Variants in FAM53B observed in about 807,000 individuals in gnomAD.
FAM53B encodes protein FAM53B.
In FAM53B, 12 loss-of-function variants were observed where a neutral mutation model predicts 32.7. That is an observed-to-expected ratio of 0.37 (90% CI 0.24 to 0.59). The LOEUF is 0.59. Ranked by LOEUF, FAM53B falls within the 20% of genes least tolerant of loss-of-function variation. The probability of loss-of-function intolerance (pLI) is 0.72; values close to 1 mark genes in which losing one functional copy is unlikely to be tolerated. For missense variants in FAM53B, 477 were observed against 577.7 expected, an observed-to-expected ratio of 0.83 and a Z score of 1.79; for synonymous variants, 234 against 228.7, an observed-to-expected ratio of 1.02 and a Z score of -0.21.
At chr10:124,660,141 C>T (rs963122730) in intron 4 of FAM53B, among the ~76,000 whole-genome samples, 20 of 152,164 alleles carry the variant, frequency 1.3e-4, no homozygotes, top group African/African-American at 3.9e-4. Context: ...TCTTCAGTGG[C>T]GAGAAGCCCA....
chr10:124,741,402 T>C (rs757640121), intron 1 of FAM53B, among the ~76,000 whole-genome samples: 12 of 152,238 alleles, frequency 7.9e-5, no homozygotes, highest in Non-Finnish European at 1.3e-4. Context: ...GAACTCAGTC[T>C]TCAGGGCCCA....
At position 124,709,843 on chromosome 10, in the gene FAM53B, GA is replaced by G. The variant is rs35504510; in HGVS notation, c.-174-2957del. Among the ~76,000 whole-genome samples the G allele has an allele frequency of 9.2e-3, 1,181 of 127,984 alleles. 8 individuals are homozygous for G. Among genetic ancestry groups the G allele is most frequent in the African/African-American group, 0.031 (1,053 of 33,624 alleles). 84.0% of individuals were successfully genotyped at this position (127,984 alleles called of 152,430 possible). On this transcript the variant is annotated intron_variant, in intron 1 of 4. Coordinates refer to ENST00000337318, the MANE Select transcript of FAM53B (RefSeq NM_014661.4). ...AGAGTGAGTCTCTGCCTCAAAAAAA[GA>G]AAAAAAAAAAAAAATAGAAGGAGTC... is the stretch of plus-strand genomic sequence containing the variant.
At chr10:124,673,807 C>A (rs998340475) in intron 4 of FAM53B, among the ~76,000 whole-genome samples, 24 of 152,214 alleles carry the variant, frequency 1.6e-4, no homozygotes, top group African/African-American at 5.3e-4. Flanking sequence ...TGGGGCTCTG[C>A]CCCAGACCTG....
intron 4 of FAM53B, among the ~76,000 whole-genome samples, chr10:124,680,703 C>T (rs1195004479): frequency 2.6e-5 from 4 of 152,298 alleles, no homozygotes; most frequent in South Asian, 2.1e-4. Flanking sequence ...TGAAACCCAG[C>T]GAGACCAATG....
intron 3 of FAM53B, among the ~76,000 whole-genome samples, chr10:124,683,332 G>C (rs1430417207): frequency 6.6e-6 from 1 of 152,120 alleles, no homozygotes; most frequent in Non-Finnish European, 1.5e-5. Context: ...CAGTATAAAA[G>C]CAAAGTTACA....
At position 124,623,314 on chromosome 10, in the gene FAM53B, G is replaced by T; in HGVS notation, c.1197C>A (p.Asp399Glu). 1 of 1,612,482 alleles carries T rather than the reference G, an allele frequency of 6.2e-7. No homozygotes were observed. Among genetic ancestry groups the T allele is most frequent in the African/African-American group, 1.3e-5 (1 of 75,066 alleles). ...AGAGGCTGTTCCCAGGGGCCCCGCGGTCCCGCCAGGCTGCAGCCGGCTCCG... is the reference window on the plus strand; with the variant it reads ...AGAGGCTGTTCCCAGGGGCCCCGCGTTCCCGCCAGGCTGCAGCCGGCTCCG... ...RRAEPAAAWRDRGAPGNSLCS... is the reference protein window; with the variant it reads ...RRAEPAAAWRERGAPGNSLCS... The change falls in exon 5 of 5, where the codon GAC (aspartate) becomes GAA (glutamate). Residue 399 changes from aspartate (D) to glutamate (E), a missense_variant. Transcript: ENST00000337318.
intron 1 of FAM53B, among the ~76,000 whole-genome samples, chr10:124,726,103 G>C (rs1156479166): frequency 2.0e-5 from 3 of 152,214 alleles, no homozygotes. Context: ...GCTGTGTCTA[G>C]TAAGCCCTCC....
At chr10:124,691,921 CA>C (rs1488126107) in intron 3 of FAM53B, among the ~76,000 whole-genome samples, 3 of 152,234 alleles carry the variant, frequency 2.0e-5, no homozygotes, top group African/African-American at 7.2e-5. Context: ...GAGCCAGGAG[CA>C]AGGGCTGGCT....
intron 4 of FAM53B, among the ~76,000 whole-genome samples, chr10:124,647,345 G>C (rs778493544): frequency 1.4e-4 from 22 of 152,038 alleles, no homozygotes; most frequent in Non-Finnish European, 2.8e-4. Flanking sequence ...TCCAGGCCTC[G>C]GGTGTTTCTC....
At position 124,714,851 on chromosome 10, in the gene FAM53B, C is replaced by G. The variant is rs139585432; in HGVS notation, c.-174-7964G>C. 6.4e-3 allele frequency among the ~76,000 whole-genome samples: 971 copies of G among 152,140 alleles called. 3 individuals carry two copies. The highest frequency in any genetic ancestry group is 0.012 in the Non-Finnish European group (798 of 68,016). On this transcript the variant is annotated intron_variant, in intron 1 of 4. Transcript: ENST00000337318. ...ACACAGAGCCTACCTTTTAAAGCAGCATGAGGAAAATATTAGCCAAAGCAA... is the reference window on the plus strand; with the variant it reads ...ACACAGAGCCTACCTTTTAAAGCAGGATGAGGAAAATATTAGCCAAAGCAA...
At chr10:124,673,715 T>C (rs1949720586) in intron 4 of FAM53B, among the ~76,000 whole-genome samples, 1 of 151,998 alleles carries the variant, frequency 6.6e-6, no homozygotes, top group Non-Finnish European at 1.5e-5. Context: ...ATCTGTGGAG[T>C]CACTGGGCTA....
chr10:124,691,177 C>G (rs1266180167), intron 3 of FAM53B, among the ~76,000 whole-genome samples: 2 of 152,216 alleles, frequency 1.3e-5, no homozygotes, highest in East Asian at 1.9e-4. Context: ...CAGCTCAACA[C>G]AGCCAACTGG....
At chr10:124,720,176 AAAAC>A (rs1330451116) in intron 1 of FAM53B, among the ~76,000 whole-genome samples, 7 of 151,896 alleles carry the variant, frequency 4.6e-5, no homozygotes, top group African/African-American at 7.2e-5. Flanking sequence ...AAAAAAAAAA[AAAAC>A]AAACAAACCA....
chr10:124,732,953 G>A (rs952006324), intron 1 of FAM53B, among the ~76,000 whole-genome samples: 4 of 152,086 alleles, frequency 2.6e-5, no homozygotes, highest in South Asian at 2.1e-4. Flanking sequence ...TGGTCATAAC[G>A]CTCTTTCACT....
chr10:124,740,310 AT>A (rs1289989078), intron 1 of FAM53B, among the ~76,000 whole-genome samples: 1 of 150,566 alleles, frequency 6.6e-6, no homozygotes, highest in Admixed American at 6.6e-5. Flanking sequence ...TGGATTAAGC[AT>A]CAAAGAAGTT....
chr10:124,691,779 G>A (rs1176956258), intron 3 of FAM53B, among the ~76,000 whole-genome samples: 3 of 152,212 alleles, frequency 2.0e-5, no homozygotes, highest in African/African-American at 7.2e-5. Context: ...GTGTGACCCT[G>A]GGTCCCCCAC....
chr10:124,672,845 T>C (rs532809139), intron 4 of FAM53B, among the ~76,000 whole-genome samples: 3 of 152,264 alleles, frequency 2.0e-5, no homozygotes, highest in African/African-American at 4.8e-5. Context: ...GACAGTCCCA[T>C]AGATACCTTC....
rs1163813180 is a variant in FAM53B, at chr10:124,729,486, C to T, written c.-175+14527G>A. Among the ~76,000 whole-genome samples, 6 of 152,352 alleles carry T rather than the reference C, an allele frequency of 3.9e-5. No homozygotes were observed. The Middle Eastern group carries it at 0.014, about 345-fold the overall frequency. ...GCAACTATTCTAGAGCTAAGTTCAT[C>T]AGGCTTACTTATCTGGTTTTCTTCT... On this transcript the variant is annotated intron_variant, in intron 1 of 4. Transcript: ENST00000337318.
In FAM53B at chr10:124,636,466, C is replaced by G. The variant is rs1201962019; in HGVS notation, c.907-12862G>C. Among the ~76,000 whole-genome samples, 3 of 152,212 alleles carry G rather than the reference C, an allele frequency of 2.0e-5. No homozygotes were observed. In the East Asian group the frequency reaches 5.8e-4, roughly 29 times the overall value. On this transcript the variant is annotated intron_variant, in intron 4 of 4. Transcript: ENST00000337318. Reference sequence around the variant, plus strand: ...TGAGCCACCCTGTGCCAGACGCCTGCATGTGGGTGGTTAGCCGGGTGGCTT... The same window carrying G: ...TGAGCCACCCTGTGCCAGACGCCTGGATGTGGGTGGTTAGCCGGGTGGCTT...
Sources: allele counts gnomAD v4.1 joint callset (sites outside exome capture counted in the v4.1 genomes callset), GRCh38; gene constraint gnomAD v4.1.1; transcripts MANE v1.5; gene names NCBI Gene and HGNC (gene_info 2026-07-23, HGNC 2026-07-21).